LTBP1: variants seen among roughly 807,000 people sequenced by gnomAD.
LTBP1 encodes latent transforming growth factor beta binding protein 1.
A neutral mutation model predicts 207.6 loss-of-function variants in LTBP1; 129 were observed. That is an observed-to-expected ratio of 0.62 (90% CI 0.54 to 0.72). The LOEUF (loss-of-function observed/expected upper bound fraction) is 0.72, where lower values mean the gene tolerates loss of function less well. Among genes scored for constraint, LTBP1 ranks in the 30% least tolerant of loss-of-function variants. The pLI is 0.00. For synonymous variants in LTBP1, 963 were observed against 833.7 expected, an observed-to-expected ratio of 1.16 and a Z score of -2.67; for missense variants, 2,281 against 2,217.2, an observed-to-expected ratio of 1.03 and a Z score of -0.58.
At chr2:33,303,294 G>T (rs1017210011) in intron 22 of LTBP1, among the ~76,000 whole-genome samples, 1 of 151,962 alleles carries the variant, frequency 6.6e-6, no homozygotes, top group African/African-American at 2.4e-5. Flanking sequence ...TGGGGTTGAG[G>T]GGATGGTTTC....
chr2:33,180,037 A>G (rs952753501), intron 5 of LTBP1, among the ~76,000 whole-genome samples: 4 of 152,010 alleles, frequency 2.6e-5, no homozygotes, highest in Non-Finnish European at 5.9e-5. Context: ...CAAGGTCTTC[A>G]CTCATGTTAT....
chr2:33,313,681 A>AC (rs1349065255), intron 23 of LTBP1, among the ~76,000 whole-genome samples: 1 of 152,100 alleles, frequency 6.6e-6, no homozygotes, highest in East Asian at 1.9e-4. Context: ...CATTTTTATG[A>AC]CCCCCAATTA....
At chr2:33,010,651 T>C (rs899858780) in intron 2 of LTBP1, among the ~76,000 whole-genome samples, 1 of 152,100 alleles carries the variant, frequency 6.6e-6, no homozygotes, top group Non-Finnish European at 1.5e-5. Context: ...TGTACAAATA[T>C]TATGTATCAA....
At chr2:33,146,204 G>T (rs1466946200) in intron 5 of LTBP1, among the ~76,000 whole-genome samples, 1 of 152,222 alleles carries the variant, frequency 6.6e-6, no homozygotes, top group Non-Finnish European at 1.5e-5. Context: ...AGTGGTGGCT[G>T]AGTTTGAAGT....
At chr2:33,105,025 A>T (rs1200955117) in intron 3 of LTBP1, among the ~76,000 whole-genome samples, 1 of 152,076 alleles carries the variant, frequency 6.6e-6, no homozygotes, top group Non-Finnish European at 1.5e-5. Context: ...AGTTCTTCTT[A>T]TAGTTACCTC....
At chr2:33,176,010 TG>T (rs1229918930) in intron 5 of LTBP1, among the ~76,000 whole-genome samples, 1 of 14,232 alleles carries the variant, frequency 7.0e-5, no homozygotes, top group South Asian at 2.1e-3. Flanking sequence ...TGTTGTGGGG[TG>T]GGGGGAGGCG....
intron 3 of LTBP1, among the ~76,000 whole-genome samples, chr2:33,081,146 G>T (rs146961005): frequency 2.6e-5 from 4 of 152,094 alleles, no homozygotes; most frequent in African/African-American, 4.8e-5. Context: ...CCTTTGTTCA[G>T]TTCTTCTTGG....
chr2:33,009,135 T>C (rs1558507634), intron 2 of LTBP1, among the ~76,000 whole-genome samples: 1 of 152,182 alleles, frequency 6.6e-6, no homozygotes, highest in Non-Finnish European at 1.5e-5. Flanking sequence ...TTCTGGTTGC[T>C]CTGGTGAGAA....
At chr2:33,103,888 C>T (rs145136429) in intron 3 of LTBP1, among the ~76,000 whole-genome samples, 46 of 152,210 alleles carry the variant, frequency 3.0e-4, no homozygotes, top group Non-Finnish European at 5.6e-4. Context: ...CTGAAGGTGA[C>T]CCCTGCACTT....
intron 5 of LTBP1, among the ~76,000 whole-genome samples, chr2:33,184,172 C>G (rs376561249): frequency 1.6e-4 from 25 of 152,238 alleles, no homozygotes; most frequent in South Asian, 1.5e-3. Flanking sequence ...TCCCACTCTA[C>G]TCTCTCTCCT....
intron 3 of LTBP1, among the ~76,000 whole-genome samples, chr2:33,024,363 A>G (rs1009062105): frequency 6.6e-6 from 1 of 152,178 alleles, no homozygotes; most frequent in Non-Finnish European, 1.5e-5. Context: ...GGAAGACCCT[A>G]CTGAGAGGCA....
intron 24 of LTBP1, among the ~76,000 whole-genome samples, chr2:33,320,431 T>TG (rs2094338287): frequency 6.7e-6 from 1 of 148,404 alleles, no homozygotes; most frequent in Non-Finnish European, 1.5e-5. Flanking sequence ...GAGCACAATA[T>TG]GGGGGACCTG....
rs146984566 is a variant in LTBP1 at position 33,169,492 on chromosome 2, G to C, written c.1202-17364G>C. 8.4e-3 allele frequency among the ~76,000 whole-genome samples: 1,279 copies of C among 152,252 alleles called. 17 individuals are homozygous for C. Among genetic ancestry groups the C allele is most frequent in the African/African-American group, 0.029 (1,197 of 41,554 alleles). Reference sequence around the variant, plus strand: ...CTTAATACAGTGGGTAAAAGCTCCAGATGGAATGAGTTGAATAATTAAGCA... The same window carrying C: ...CTTAATACAGTGGGTAAAAGCTCCACATGGAATGAGTTGAATAATTAAGCA... On this transcript the variant is annotated intron_variant, in intron 5 of 33. Transcript: ENST00000404816.
At chr2:33,286,925 C>T (rs2093677064) in intron 19 of LTBP1, among the ~76,000 whole-genome samples, 1 of 152,030 alleles carries the variant, frequency 6.6e-6, no homozygotes, top group South Asian at 2.1e-4. Flanking sequence ...ACACCAGGAC[C>T]TGTTGTGGGG....
At chr2:33,145,538 T>G (rs961079633) in intron 5 of LTBP1, among the ~76,000 whole-genome samples, 2 of 152,196 alleles carry the variant, frequency 1.3e-5, no homozygotes, top group Non-Finnish European at 2.9e-5. Flanking sequence ...GCTAAAGTCT[T>G]ATTTAGCAAG....
Position 33,185,027 on chromosome 2 carries a change from G to A in LTBP1, c.1202-1829G>A, listed in dbSNP as rs538195798. 6.6e-5 allele frequency among the ~76,000 whole-genome samples: 10 copies of A among 152,302 alleles called. No individual in the cohort carries two copies. The South Asian group carries it at 1.7e-3, about 25-fold the overall frequency. On this transcript the variant is annotated intron_variant, in intron 5 of 33. Coordinates refer to ENST00000404816, the MANE Select transcript of LTBP1 (RefSeq NM_206943.4). The stretch of plus-strand genomic sequence containing the variant: ...GAATGCTTCTAGAAGTGAGGTTCAG[G>A]CAGAGTCTGAAAGATATGTAGGAAT...
intron 3 of LTBP1, among the ~76,000 whole-genome samples, chr2:33,039,977 C>G (rs1442737222): frequency 6.6e-6 from 1 of 151,836 alleles, no homozygotes; most frequent in Non-Finnish European, 1.5e-5. Flanking sequence ...CTCGGGAGTG[C>G]AGGGGAGGAA....
At chr2:33,379,274 A>G (rs1458507807) in intron 31 of LTBP1, among the ~76,000 whole-genome samples, 1 of 146,500 alleles carries the variant, frequency 6.8e-6, no homozygotes, top group East Asian at 2.0e-4. Flanking sequence ...CAGTGGTGCA[A>G]TCTTGGCTCA....
intron 2 of LTBP1, among the ~76,000 whole-genome samples, chr2:32,970,225 T>C (rs575345458): frequency 6.6e-6 from 1 of 152,372 alleles, no homozygotes; most frequent in African/African-American, 2.4e-5. Flanking sequence ...GTCTGTTTAC[T>C]GTGTTGATAG....
Sources: gnomAD v4.1 joint callset for allele counts (sites outside exome capture counted in the v4.1 genomes callset) on GRCh38, gnomAD v4.1.1 for gene constraint, MANE v1.5 for transcripts, NCBI Gene and HGNC (gene_info 2026-07-23, HGNC 2026-07-21) for gene names.